Variants in CCSER1 observed in about 807,000 individuals in gnomAD.
CCSER1 encodes the protein serine-rich coiled-coil domain-containing protein 1.
Under a neutral mutation model 82.0 loss-of-function variants are expected in CCSER1, and 41 were observed. The observed-to-expected ratio is 0.50, with a 90% CI of 0.39 to 0.65. The LOEUF (loss-of-function observed/expected upper bound fraction) is 0.65. Among genes scored for constraint, CCSER1 ranks in the 30% least tolerant of loss-of-function variants. The probability of loss-of-function intolerance (pLI) is 0.00; values close to 1 mark genes in which losing one functional copy is unlikely to be tolerated. For missense variants in CCSER1, 1,119 were observed against 1,064.2 expected, an observed-to-expected ratio of 1.05 and a Z score of -0.72; for synonymous variants, 414 against 383.9, an observed-to-expected ratio of 1.08 and a Z score of -0.92.
In CCSER1 at chr4:90,454,688, A is replaced by G. The variant is rs542677589; in HGVS notation, c.1604-13546A>G. ...ACATACAAAGCTTATCCCCCAAATT[A>G]TCTGCTGCTTTCTGGGTGGCCTGCT... On this transcript the variant is annotated intron_variant, in intron 4 of 10. Transcript: ENST00000509176. Among the ~76,000 whole-genome samples, 4 of 152,200 alleles carry G rather than the reference A, an allele frequency of 2.6e-5. No homozygotes were observed. In the South Asian group the frequency reaches 8.3e-4, roughly 32 times the overall value.
At chr4:91,384,999 G>A (rs1751188762) in intron 10 of CCSER1, among the ~76,000 whole-genome samples, 1 of 152,018 alleles carries the variant, frequency 6.6e-6, no homozygotes, top group South Asian at 2.1e-4. Context: ...GAAGAGTAGT[G>A]AAACCCTATG....
rs562072501 is a variant in CCSER1 at position 90,156,612 on chromosome 4, C to T, written c.-42+28781C>T. ...TTAGCTCTTCTTGTTGAATTGATCC[C>T]TTTACCATTATGTAATGGCCTTCTT... On this transcript the variant is annotated intron_variant, in intron 1 of 10. Transcript: ENST00000509176. Among the ~76,000 whole-genome samples the T allele has an allele frequency of 7.8e-4, 119 of 152,246 alleles. 2 individuals carry two copies. The highest frequency in any genetic ancestry group is 1.4e-3 in the Admixed American group (21 of 15,288).
At chr4:90,493,087 A>C (rs1174887824) in intron 5 of CCSER1, among the ~76,000 whole-genome samples, 2 of 152,204 alleles carry the variant, frequency 1.3e-5, no homozygotes, top group African/African-American at 4.8e-5. Flanking sequence ...ATGGAGCTGA[A>C]AAACATGGCA....
In CCSER1 at chr4:91,597,284, A is replaced by C. The variant is rs75033507; in HGVS notation, c.2218-1288A>C. On this transcript the variant is annotated intron_variant, in intron 10 of 10. Coordinates refer to ENST00000509176, the MANE Select transcript of CCSER1 (RefSeq NM_001145065.2). ...AGAGTGAATATATGAGAGCAATAGCAGAGTGTTGGAAATACACACCCAATA... is the reference window on the plus strand; with the variant it reads ...AGAGTGAATATATGAGAGCAATAGCCGAGTGTTGGAAATACACACCCAATA... Among the ~76,000 whole-genome samples the C allele has an allele frequency of 5.5e-3, 832 of 152,248 alleles. 7 individuals carry two copies. Among genetic ancestry groups the C allele is most frequent in the African/African-American group, 0.019 (796 of 41,580 alleles).
intron 8 of CCSER1, among the ~76,000 whole-genome samples, chr4:90,843,484 G>GA (rs1038430182): frequency 6.6e-6 from 1 of 152,092 alleles, no homozygotes; most frequent in Admixed American, 6.5e-5. Context: ...TAATGCTTTA[G>GA]AAAATGATTT....
intron 7 of CCSER1, among the ~76,000 whole-genome samples, chr4:90,795,602 GC>G (rs1755896544): frequency 6.6e-6 from 1 of 152,130 alleles, no homozygotes; most frequent in Non-Finnish European, 1.5e-5. Context: ...TCCAGCTTTT[GC>G]CCATTCAGTG....
intron 7 of CCSER1, among the ~76,000 whole-genome samples, chr4:90,744,440 A>G (rs994617747): frequency 4.6e-5 from 7 of 152,350 alleles, no homozygotes; most frequent in East Asian, 1.9e-4. Flanking sequence ...AATTGCTAGA[A>G]TATCAAGAGG....
intron 9 of CCSER1, among the ~76,000 whole-genome samples, chr4:90,980,342 T>C (rs1735999698): frequency 6.6e-6 from 1 of 151,782 alleles, no homozygotes; most frequent in Non-Finnish European, 1.5e-5. Context: ...GCCCAATGTG[T>C]CTGCAGTGGA....
At chr4:90,951,680 C>T (rs895629257) in intron 9 of CCSER1, among the ~76,000 whole-genome samples, 1 of 152,038 alleles carries the variant, frequency 6.6e-6, no homozygotes, top group South Asian at 2.1e-4. Flanking sequence ...TTTGCATATA[C>T]TGCAAAGAGA....
intron 8 of CCSER1, among the ~76,000 whole-genome samples, chr4:90,832,208 A>G (rs1009695746): frequency 5.9e-5 from 9 of 152,118 alleles, no homozygotes; most frequent in African/African-American, 1.7e-4. Flanking sequence ...TAAAAATTTA[A>G]TAGATTTATT....
At chr4:90,140,046 T>C (rs1724453568) in intron 1 of CCSER1, among the ~76,000 whole-genome samples, 1 of 152,190 alleles carries the variant, frequency 6.6e-6, no homozygotes, top group African/African-American at 2.4e-5. Flanking sequence ...ACTGATTATT[T>C]AAAAACCTAA....
intron 5 of CCSER1, among the ~76,000 whole-genome samples, chr4:90,487,897 C>T (rs1578749670): frequency 6.6e-6 from 1 of 152,074 alleles, no homozygotes; most frequent in African/African-American, 2.4e-5. Context: ...ACCTTGGCTT[C>T]CCAAAGTGCT....
chr4:90,933,049 G>GA lies in CCSER1; in HGVS notation c.2172+9602_2172+9603insA, dbSNP rs1477696736. The stretch of plus-strand genomic sequence containing the variant: ...GAAAGAAAGAAAGAAAGAAAGAGAA[G>GA]GAAGGAACGAAGGAAAGAAGAAAAG... On this transcript the variant is annotated intron_variant, in intron 9 of 10. Coordinates refer to ENST00000509176, the MANE Select transcript of CCSER1 (RefSeq NM_001145065.2). Among the ~76,000 whole-genome samples the GA allele has an allele frequency of 6.2e-5, 6 of 97,446 alleles. No individual in the cohort carries two copies. In the East Asian group the frequency reaches 8.2e-4, roughly 13 times the overall value. 63.9% of individuals were successfully genotyped at this position (97,446 alleles called of 152,430 possible).
At chr4:91,291,176 G>A (rs1053526482) in intron 10 of CCSER1, among the ~76,000 whole-genome samples, 6 of 151,868 alleles carry the variant, frequency 4.0e-5, no homozygotes, top group East Asian at 1.9e-4. Flanking sequence ...CCTTATTAAA[G>A]CTTGCAGATA....
intron 10 of CCSER1, among the ~76,000 whole-genome samples, chr4:91,100,837 G>A (rs973213493): frequency 6.6e-6 from 1 of 152,052 alleles, no homozygotes; most frequent in African/African-American, 2.4e-5. Context: ...GAAACCTGTT[G>A]ATCAAGCAAA....
At chr4:91,009,601 C>G (rs1420922379) in intron 9 of CCSER1, among the ~76,000 whole-genome samples, 1 of 151,992 alleles carries the variant, frequency 6.6e-6, no homozygotes, top group African/African-American at 2.4e-5. Context: ...TGTTATTTAT[C>G]TTTTTGATGT....
intron 3 of CCSER1, among the ~76,000 whole-genome samples, chr4:90,331,445 G>A (rs1739267676): frequency 6.6e-6 from 1 of 152,176 alleles, no homozygotes; most frequent in South Asian, 2.1e-4. Context: ...TTCTTTACTT[G>A]TGGCAGCTGA....
intron 4 of CCSER1, among the ~76,000 whole-genome samples, chr4:90,419,198 C>T (rs1401165240): frequency 6.6e-6 from 1 of 151,930 alleles, no homozygotes; most frequent in Non-Finnish European, 1.5e-5. Flanking sequence ...AAATTGTGAT[C>T]TCAGTTGTCA....
intron 1 of CCSER1, among the ~76,000 whole-genome samples, chr4:90,150,411 C>T (rs546709484): frequency 3.3e-5 from 5 of 152,126 alleles, no homozygotes; most frequent in South Asian, 2.1e-4. Flanking sequence ...TGAATTCCTA[C>T]GTAGTTATTA....
Sources: gnomAD v4.1 joint callset for allele counts (sites outside exome capture counted in the v4.1 genomes callset) on GRCh38, gnomAD v4.1.1 for gene constraint, MANE v1.5 for transcripts, NCBI Gene and HGNC (gene_info 2026-07-23, HGNC 2026-07-21) for gene names.